OLFM2: variants seen among roughly 807,000 people sequenced by gnomAD.
The protein encoded by OLFM2 is olfactomedin 2.
In OLFM2, 20 loss-of-function variants were observed where a neutral mutation model predicts 43.9. The ratio of observed to expected loss-of-function variants is 0.46; its 90% CI spans 0.32 to 0.66. OLFM2 has a LOEUF of 0.66. Ranked by LOEUF, OLFM2 falls within the 30% of genes least tolerant of loss-of-function variation. OLFM2 has a pLI of 0.04. For synonymous variants in OLFM2, 268 were observed against 278.6 expected (o/e 0.96, Z 0.38); for missense variants, 416 against 643.6 (o/e 0.65, Z 3.83).
chr19:9,920,575 T>C (rs2086413122), intron 1 of OLFM2, among the ~76,000 whole-genome samples: 1 of 151,980 alleles, frequency 6.6e-6, no homozygotes, highest in Non-Finnish European at 1.5e-5. Flanking sequence ...ACTGTGAACA[T>C]CGTGCTGGTA....
intron 1 of OLFM2, chr19:9,913,879 TC>T (rs1170644712): frequency 1.2e-5 from 2 of 162,626 alleles, no homozygotes; most frequent in Non-Finnish European, 1.3e-5. Flanking sequence ...GCCGGGCACT[TC>T]CAGCCGCCGT....
rs377346481 is a variant in OLFM2, at chr19:9,894,249, T to C, written c.64-33455A>G. Among the ~76,000 whole-genome samples the C allele has an allele frequency of 2.1e-3, 319 of 150,394 alleles. 3 individuals are homozygous for C. The highest frequency in any genetic ancestry group is 7.4e-3 in the African/African-American group (304 of 40,892). ...GGGAGGTTGCAGTGAGCAGAGATCATGGTAACATGTGCTAAACAGGAAGGG... is the reference window on the plus strand; with the variant it reads ...GGGAGGTTGCAGTGAGCAGAGATCACGGTAACATGTGCTAAACAGGAAGGG... On this transcript the variant is annotated intron_variant, in intron 1 of 5. Coordinates refer to ENST00000264833, the MANE Select transcript of OLFM2 (RefSeq NM_058164.4).
At chr19:9,915,524 ATTTATTTATTTG>A (rs2046868901) in intron 1 of OLFM2, among the ~76,000 whole-genome samples, 1 of 124,274 alleles carries the variant, frequency 8.0e-6, no homozygotes. Flanking sequence ...TTATTTATTT[ATTTATTTATTTG>A]AGACGGAGTC....
At position 9,923,253 on chromosome 19, in the gene OLFM2, G is replaced by A. The variant is rs371534970; in HGVS notation, c.63+13051C>T. ...GCACAGTGATAATTTTTTTTTTCTTGCTTAGAAACAGGGTGGAGTAGCTGG... is the reference window on the plus strand; with the variant it reads ...GCACAGTGATAATTTTTTTTTTCTTACTTAGAAACAGGGTGGAGTAGCTGG... On this transcript the variant is annotated intron_variant, in intron 1 of 5. Transcript: ENST00000264833. Among the ~76,000 whole-genome samples the A allele has an allele frequency of 2.6e-5, 4 of 151,106 alleles. No individual in the cohort carries two copies. In the East Asian group the frequency reaches 7.8e-4, roughly 29 times the overall value.
intron 1 of OLFM2, among the ~76,000 whole-genome samples, chr19:9,916,433 G>A (rs892268449): frequency 6.6e-6 from 1 of 152,184 alleles, no homozygotes; most frequent in African/African-American, 2.4e-5. Flanking sequence ...CTTTGCAGAT[G>A]CAATGTTAAC....
intron 1 of OLFM2, among the ~76,000 whole-genome samples, chr19:9,920,580 C>A (rs2086413167): frequency 1.3e-5 from 2 of 151,918 alleles, no homozygotes; most frequent in African/African-American, 2.4e-5. Context: ...GAACATCGTG[C>A]TGGTAAGCCA....
intron 1 of OLFM2, among the ~76,000 whole-genome samples, chr19:9,897,421 T>G (rs1451884424): frequency 6.6e-6 from 1 of 151,470 alleles, no homozygotes; most frequent in African/African-American, 2.4e-5. Flanking sequence ...TGCCTGAGCC[T>G]AGGGAGGTTG....
chr19:9,882,906 A>T (rs1008306531), intron 1 of OLFM2, among the ~76,000 whole-genome samples: 9 of 146,810 alleles, frequency 6.1e-5, no homozygotes, highest in East Asian at 2.0e-4. Flanking sequence ...ATTAAAAAAA[A>T]TAAAAAAAAA....
intron 1 of OLFM2, among the ~76,000 whole-genome samples, chr19:9,893,709 C>T (rs1478597163): frequency 6.6e-6 from 1 of 152,124 alleles, no homozygotes; most frequent in African/African-American, 2.4e-5. Context: ...ACGTCTACTG[C>T]AAATGATTGC....
At chr19:9,914,782 GGCTA>G (rs2046861969) in intron 1 of OLFM2, among the ~76,000 whole-genome samples, 2 of 151,982 alleles carry the variant, frequency 1.3e-5, no homozygotes, top group South Asian at 4.1e-4. Context: ...AGGAGCGCCG[GGCTA>G]GTTTTAATTT....
intron 1 of OLFM2, among the ~76,000 whole-genome samples, chr19:9,910,467 T>C (rs776503907): frequency 2.6e-5 from 4 of 152,110 alleles, no homozygotes; most frequent in Non-Finnish European, 4.4e-5. Context: ...ATGCCTGTAA[T>C]CCCAGCATTT....
intron 1 of OLFM2, among the ~76,000 whole-genome samples, chr19:9,901,253 A>G (rs1175136243): frequency 1.4e-5 from 2 of 138,138 alleles, no homozygotes; most frequent in Non-Finnish European, 3.1e-5. Context: ...AGAAGAAAGA[A>G]AGGGAGGGAG....
At chr19:9,926,963 C>A (rs545076292) in intron 1 of OLFM2, among the ~76,000 whole-genome samples, 45 of 152,014 alleles carry the variant, frequency 3.0e-4, no homozygotes, top group African/African-American at 1.0e-3. Flanking sequence ...CCAGCCTGGG[C>A]AACAGAGCAA....
At chr19:9,880,421 A>C (rs1419579648) in intron 1 of OLFM2, among the ~76,000 whole-genome samples, 1 of 152,060 alleles carries the variant, frequency 6.6e-6, no homozygotes, top group Admixed American at 6.6e-5. Flanking sequence ...CAAACAGAGG[A>C]ACCTGAAAGT....
intron 1 of OLFM2, among the ~76,000 whole-genome samples, chr19:9,919,401 C>G (rs915834086): frequency 6.6e-6 from 1 of 152,006 alleles, no homozygotes; most frequent in Non-Finnish European, 1.5e-5. Flanking sequence ...CTCCTGACCT[C>G]GTAATCCACC....
rs190815269 is a variant in OLFM2, at chr19:9,899,156, T to G, written c.63+37148A>C. 4.2e-3 allele frequency among the ~76,000 whole-genome samples: 642 copies of G among 151,854 alleles called. 4 individuals are homozygous for G. Among genetic ancestry groups the G allele is most frequent in the Non-Finnish European group, 6.5e-3 (443 of 67,954 alleles). On this transcript the variant is annotated intron_variant, in intron 1 of 5. Coordinates refer to ENST00000264833, the MANE Select transcript of OLFM2 (RefSeq NM_058164.4). ...GGCAGCCACCTGTAATCCCAGCTACTTGGGAGGCTGAGGCAGGAGAATCAC... is the reference window on the plus strand; with the variant it reads ...GGCAGCCACCTGTAATCCCAGCTACGTGGGAGGCTGAGGCAGGAGAATCAC...
At chr19:9,904,058 G>T (rs2046762656) in intron 1 of OLFM2, among the ~76,000 whole-genome samples, 1 of 152,014 alleles carries the variant, frequency 6.6e-6, no homozygotes, top group Middle Eastern at 3.4e-3. Context: ...GCATTACCTG[G>T]TTGGGCATTA....
At chr19:9,866,741 C>T (rs955750537) in intron 1 of OLFM2, among the ~76,000 whole-genome samples, 32 of 152,112 alleles carry the variant, frequency 2.1e-4, no homozygotes, top group African/African-American at 5.3e-4. Flanking sequence ...GTGATCCACC[C>T]GCCTTGGCCT....
Position 9,857,557 on chromosome 19 carries a change from CAT to C in OLFM2, c.361-77_361-76del. The C allele has an allele frequency of 6.4e-7, 1 of 1,568,496 alleles. No homozygotes were observed. Among genetic ancestry groups the C allele is most frequent in the Non-Finnish European group, 8.7e-7 (1 of 1,146,768 alleles). On this transcript the variant is annotated intron_variant, in intron 3 of 5. Coordinates refer to ENST00000264833, the MANE Select transcript of OLFM2 (RefSeq NM_058164.4). This position sits in a 1 kb window ranked among gnomAD's most constrained non-coding sequence, Gnocchi z 5.7. ...CCAGACATGACTCCAACCTCTGACT[CAT>C]AACTTCACCCTTTGTCTTTGATGCA... is the stretch of plus-strand genomic sequence containing the variant.
Sources: allele counts gnomAD v4.1 joint callset (sites outside exome capture counted in the v4.1 genomes callset), GRCh38; gene constraint gnomAD v4.1.1; non-coding constraint Gnocchi (gnomAD v3.1); transcripts MANE v1.5; gene names NCBI Gene and HGNC (gene_info 2026-07-23, HGNC 2026-07-21).